The following CSRNP3 variants were observed in gnomAD, a reference collection of about 807,000 sequenced individuals.
CSRNP3 encodes the protein cysteine and serine rich nuclear protein 3.
In CSRNP3, 12 loss-of-function variants were observed where a neutral mutation model predicts 48.0. The ratio of observed to expected loss-of-function variants is 0.25; its 90% CI spans 0.16 to 0.41. The LOEUF (loss-of-function observed/expected upper bound fraction) is 0.41, where lower values mean the gene tolerates loss of function less well. CSRNP3 is among the 10% of genes least tolerant of loss of function. The pLI is 1.00. For missense variants in CSRNP3, 580 were observed against 724.4 expected (o/e 0.80, Z 2.29); for synonymous variants, 263 against 269.7 (o/e 0.98, Z 0.24).
chr2:165,490,008 G>A (rs991705662), intron 1 of CSRNP3, among the ~76,000 whole-genome samples: 4 of 152,182 alleles, frequency 2.6e-5, no homozygotes, highest in African/African-American at 9.6e-5. Context: ...AAGTCAAATT[G>A]TCCCTGTTTG....
chr2:165,680,502 A>G lies in CSRNP3; in HGVS notation c.*749A>G, dbSNP rs139145976. On this transcript the variant is annotated 3_prime_UTR_variant, in exon 7 of 7. Coordinates refer to ENST00000651982, the MANE Select transcript of CSRNP3 (RefSeq NM_001172173.2). ...CAATCCTCTGGGGAGAGTCTAGTTC[A>G]CTGCCCTCCCTCAGCTGACTCCAGA... The G allele has an allele frequency of 1.1e-4, 17 of 152,810 alleles. No homozygotes were observed. The highest frequency in any genetic ancestry group is 4.1e-4 in the African/African-American group (17 of 41,556). 9.5% of individuals were successfully genotyped at this position (152,810 alleles called of 1,614,324 possible).
chr2:165,600,935 G>A lies in CSRNP3; in HGVS notation c.148+5722G>A, dbSNP rs73972111. On this transcript the variant is annotated intron_variant, in intron 4 of 6. Transcript: ENST00000651982. Reference sequence around the variant, plus strand: ...TTGGTATGTGTCAACAGCTATGGTAGTAGAAAATTCCATGCTATTGTAAGC... The same window carrying A: ...TTGGTATGTGTCAACAGCTATGGTAATAGAAAATTCCATGCTATTGTAAGC... 2.3e-3 allele frequency among the ~76,000 whole-genome samples: 344 copies of A among 152,326 alleles called. 1 individual carries two copies. Among genetic ancestry groups the A allele is most frequent in the African/African-American group, 7.9e-3 (328 of 41,572 alleles).
chr2:165,676,678 GTACCTA>G, intron 6 of CSRNP3, 70 bp downstream of exon 6: 2 of 1,419,912 alleles, frequency 1.4e-6, no homozygotes, highest in Non-Finnish European at 1.9e-6. Context: ...GGCAGTCATG[GTACCTA>G]TAATGAAGCT....
At chr2:165,499,791 C>T (rs1187880125) in intron 2 of CSRNP3, among the ~76,000 whole-genome samples, 1 of 151,958 alleles carries the variant, frequency 6.6e-6, no homozygotes, top group Non-Finnish European at 1.5e-5. Context: ...CTTGGAAAAA[C>T]ATCTTTTTAA....
intron 2 of CSRNP3, among the ~76,000 whole-genome samples, chr2:165,506,578 G>A (rs939603324): frequency 3.9e-5 from 6 of 152,130 alleles, no homozygotes; most frequent in Non-Finnish European, 8.8e-5. Flanking sequence ...GATCTCTGGT[G>A]ACTTACATCG....
chr2:165,476,242 T>C (rs13413326), intron 1 of CSRNP3, among the ~76,000 whole-genome samples: 6,209 of 152,302 alleles, frequency 0.041, 172 homozygotes, highest in Middle Eastern at 0.078. Context: ...TGAACAATTC[T>C]AAGCCGTAAT....
chr2:165,593,096 C>T (rs535421949), intron 3 of CSRNP3, among the ~76,000 whole-genome samples: 19 of 152,256 alleles, frequency 1.2e-4, no homozygotes, highest in African/African-American at 3.4e-4. Flanking sequence ...CCACCGCGCC[C>T]GGCCTAAACC....
intron 4 of CSRNP3, among the ~76,000 whole-genome samples, chr2:165,640,466 A>G (rs1462750852): frequency 6.6e-6 from 1 of 152,178 alleles, no homozygotes; most frequent in South Asian, 2.1e-4. Context: ...TAAGGTGGCA[A>G]TGAATCTACT....
chr2:165,686,346 G>A lies in CSRNP3; in HGVS notation c.*6593G>A, dbSNP rs1403456083. 6.6e-6 allele frequency: 1 copy of A among 152,002 alleles called. No homozygotes were observed. Among genetic ancestry groups the A allele is most frequent in the Non-Finnish European group, 1.5e-5 (1 of 67,980 alleles). The allele number at this position is 152,002 out of a possible 1,614,324, so 9.4% of individuals were successfully genotyped here. Reference sequence around the variant, plus strand: ...TACATAGGGGACCTATGGAAAAGGAGTTTGAAATTTCTACCTTTGTAGTAC... The same window carrying A: ...TACATAGGGGACCTATGGAAAAGGAATTTGAAATTTCTACCTTTGTAGTAC... On this transcript the variant is annotated 3_prime_UTR_variant, in exon 7 of 7. Coordinates refer to ENST00000651982, the MANE Select transcript of CSRNP3 (RefSeq NM_001172173.2).
chr2:165,647,836 A>G (rs566744427), intron 4 of CSRNP3, among the ~76,000 whole-genome samples: 1 of 152,302 alleles, frequency 6.6e-6, no homozygotes, highest in African/African-American at 2.4e-5. Context: ...TATTCTGAGC[A>G]TATGTAAGCT....
chr2:165,660,290 C>A (rs1558965390), intron 5 of CSRNP3, among the ~76,000 whole-genome samples: 1 of 152,066 alleles, frequency 6.6e-6, no homozygotes, highest in Admixed American at 6.5e-5. Flanking sequence ...CAGGAAGACC[C>A]AGTGGAATAG....
intron 4 of CSRNP3, among the ~76,000 whole-genome samples, chr2:165,629,135 T>C (rs1426683869): frequency 6.6e-6 from 1 of 152,214 alleles, no homozygotes; most frequent in Non-Finnish European, 1.5e-5. Context: ...TTCCAGCATA[T>C]GACTGCTGCC....
chr2:165,583,996 G>A (rs35748379), intron 3 of CSRNP3, among the ~76,000 whole-genome samples: 14,796 of 152,118 alleles, frequency 0.097, 918 homozygotes, highest in African/African-American at 0.18. Flanking sequence ...GAGGAGGAAC[G>A]CGTCCACCTT....
chr2:165,658,158 A>G (rs557062715), intron 5 of CSRNP3, 138 bp downstream of exon 5: 2 of 923,252 alleles, frequency 2.2e-6, no homozygotes, highest in Middle Eastern at 3.5e-4. Flanking sequence ...TTTTTAAAGC[A>G]AAACGATATA....
intron 2 of CSRNP3, among the ~76,000 whole-genome samples, chr2:165,510,366 CAT>C (rs1684485836): frequency 6.6e-6 from 1 of 152,026 alleles, no homozygotes; most frequent in African/African-American, 2.4e-5. Context: ...CATATAGACT[CAT>C]ATATATTTAT....
chr2:165,516,710 T>A (rs1040058188), intron 2 of CSRNP3, among the ~76,000 whole-genome samples: 1 of 152,178 alleles, frequency 6.6e-6, no homozygotes, highest in Non-Finnish European at 1.5e-5. Flanking sequence ...ACTGACTCAA[T>A]AACCTCTATT....
intron 3 of CSRNP3, among the ~76,000 whole-genome samples, chr2:165,535,256 G>A (rs1024798718): frequency 6.6e-6 from 1 of 150,546 alleles, no homozygotes; most frequent in Non-Finnish European, 1.5e-5. Context: ...AGAAATATTT[G>A]GAGCTTCATG....
chr2:165,512,855 T>C (rs1404616232), intron 2 of CSRNP3, among the ~76,000 whole-genome samples: 1 of 152,208 alleles, frequency 6.6e-6, no homozygotes, highest in Non-Finnish European at 1.5e-5. Flanking sequence ...CTGTAATCCC[T>C]GCCCTTTGGG....
chr2:165,555,602 G>A (rs748808945), intron 3 of CSRNP3, among the ~76,000 whole-genome samples: 9 of 152,272 alleles, frequency 5.9e-5, no homozygotes, highest in Middle Eastern at 3.4e-3. Flanking sequence ...TCACTAACCT[G>A]ACATACTTTG....
Sources: allele counts gnomAD v4.1 joint callset (sites outside exome capture counted in the v4.1 genomes callset), GRCh38; gene constraint gnomAD v4.1.1; transcripts MANE v1.5; gene names NCBI Gene and HGNC (gene_info 2026-07-23, HGNC 2026-07-21).